The following CPEB2 variants were observed in gnomAD, a reference collection of about 807,000 sequenced individuals.
CPEB2 encodes cytoplasmic polyadenylation element-binding protein 2.
Under a neutral mutation model 93.6 loss-of-function variants are expected in CPEB2, and 56 were observed. The ratio of observed to expected loss-of-function variants is 0.60; its 90% CI spans 0.48 to 0.75. The LOEUF is 0.75. Among genes scored for constraint, CPEB2 ranks in the 30% least tolerant of loss-of-function variants. CPEB2 has a pLI of 0.00. For synonymous variants in CPEB2, 764 were observed against 586.3 expected (o/e 1.30, Z -4.38); for missense variants, 1,579 against 1,395.1 (o/e 1.13, Z -2.10).
intron 6 of CPEB2, among the ~76,000 whole-genome samples, chr4:15,043,735 G>A (rs1486997711): frequency 6.6e-6 from 1 of 151,990 alleles, no homozygotes; most frequent in East Asian, 1.9e-4. Flanking sequence ...TAAAAACGTA[G>A]TTTAGTTAAT....
chr4:15,016,583 T>G (rs1350267938), intron 3 of CPEB2, among the ~76,000 whole-genome samples: 7 of 151,942 alleles, frequency 4.6e-5, no homozygotes, highest in Non-Finnish European at 8.8e-5. Flanking sequence ...GAGACAAATA[T>G]GGAAGCACTT....
rs751209038 is a variant in CPEB2, at chr4:15,008,440, G to A, written c.2034+13G>A. 1.5e-5 allele frequency: 24 copies of A among 1,583,406 alleles called. No individual in the cohort carries two copies. The highest frequency in any genetic ancestry group is 1.6e-5 in the Non-Finnish European group (18 of 1,153,996). On this transcript the variant is annotated intron_variant, in intron 3 of 11. Transcript: ENST00000538197. ...CAGAATAGACCAGGTAGGCTGCACA[G>A]TGTATACTTTTTAGGATTTCGGTTA...
chr4:15,019,967 A>G (rs766818691), intron 4 of CPEB2, among the ~76,000 whole-genome samples: 3 of 152,092 alleles, frequency 2.0e-5, no homozygotes, highest in Non-Finnish European at 4.4e-5. Flanking sequence ...CAGTCAACAT[A>G]CTGGCTGAGG....
intron 4 of CPEB2, among the ~76,000 whole-genome samples, chr4:15,030,183 A>T (rs951764425): frequency 6.6e-6 from 1 of 152,002 alleles, no homozygotes; most frequent in African/African-American, 2.4e-5. Context: ...TTCTATATTA[A>T]ATCTTAAATT....
intron 4 of CPEB2, among the ~76,000 whole-genome samples, chr4:15,019,532 C>T (rs1205437099): frequency 1.3e-5 from 2 of 151,928 alleles, no homozygotes; most frequent in African/African-American, 4.8e-5. Flanking sequence ...TTCTTGAGGG[C>T]AGTATTTCGC....
At chr4:15,009,268 T>C (rs1348652241) in intron 3 of CPEB2, among the ~76,000 whole-genome samples, 1 of 152,184 alleles carries the variant, frequency 6.6e-6, no homozygotes, top group African/African-American at 2.4e-5. Context: ...CATGAGATGA[T>C]TTTACAAGTA....
At chr4:15,058,607 G>GTTCTTTTA in intron 9 of CPEB2, 68 bp downstream of exon 9, 1 of 845,694 alleles carries the variant, frequency 1.2e-6, no homozygotes, top group East Asian at 2.5e-5. Context: ...TGAAATGATT[G>GTTCTTTTA]TTAATTAATA....
chr4:15,028,777 C>G (rs947242822), intron 4 of CPEB2, among the ~76,000 whole-genome samples: 2 of 151,832 alleles, frequency 1.3e-5, no homozygotes, highest in Admixed American at 6.6e-5. Context: ...AAAGGGATTA[C>G]CTGGCATGTT....
chr4:15,002,701 C>T lies in CPEB2; in HGVS notation c.28C>T (p.Gln10Ter), dbSNP rs1240222679. The T allele has an allele frequency of 1.3e-6, 2 of 1,521,216 alleles. No homozygotes were observed. The highest frequency in any genetic ancestry group is 1.4e-5 in the African/African-American group (1 of 71,894). The allele number at this position is 1,521,216 out of a possible 1,614,324, so 94.2% of individuals were successfully genotyped here. A position where few individuals can be genotyped will look rare whatever the true frequency, so the allele number is the denominator to read the frequency against. MRDFGFGVL[Q>*]TAPLRSSSPG... ...GAGGGATTTCGGGTTTGGGGTGCTG[C>T]AGACCGCCCCGCTCCGAAGTAGCAG... is the stretch of plus-strand genomic sequence containing the variant. The change falls in exon 1 of 12, where the codon CAG becomes TAG. Residue 10 changes from glutamine (Q) to a stop codon, truncating the protein, a stop_gained. Transcript: ENST00000538197. LOFTEE classifies it high-confidence loss of function.
chr4:15,051,733 ATATC>A (rs1728242008), intron 6 of CPEB2, among the ~76,000 whole-genome samples: 2 of 152,222 alleles, frequency 1.3e-5, no homozygotes. Context: ...GCCAGGGAGT[ATATC>A]AGGGCATTTA....
intron 10 of CPEB2, among the ~76,000 whole-genome samples, chr4:15,059,886 C>A (rs969017415): frequency 1.3e-5 from 2 of 152,060 alleles, no homozygotes; most frequent in Non-Finnish European, 2.9e-5. Context: ...AACATCGTCT[C>A]CCCAGTCATA....
chr4:15,055,115 A>T (rs925143092), intron 8 of CPEB2, among the ~76,000 whole-genome samples: 5 of 152,220 alleles, frequency 3.3e-5, no homozygotes, highest in Non-Finnish European at 7.3e-5. Context: ...GTGATGAATT[A>T]TATGAGTCAT....
At chr4:15,041,311 A>C (rs1727161819) in intron 6 of CPEB2, among the ~76,000 whole-genome samples, 1 of 152,156 alleles carries the variant, frequency 6.6e-6, no homozygotes, top group Admixed American at 6.6e-5. Context: ...GGCTTATTCC[A>C]AGTGCCACAC....
At chr4:15,020,737 T>C (rs188290831) in intron 4 of CPEB2, among the ~76,000 whole-genome samples, 3 of 152,310 alleles carry the variant, frequency 2.0e-5, no homozygotes, top group East Asian at 3.9e-4. Flanking sequence ...ACAAGTTTCC[T>C]AGACACTGCA....
chr4:15,005,791 A>G (rs1207954060), intron 1 of CPEB2, among the ~76,000 whole-genome samples: 3 of 152,236 alleles, frequency 2.0e-5, no homozygotes, highest in African/African-American at 7.2e-5. Context: ...AATGTGGCCT[A>G]TGAGGATTGA....
intron 8 of CPEB2, among the ~76,000 whole-genome samples, chr4:15,058,025 T>C (rs1225845095): frequency 6.6e-6 from 1 of 152,206 alleles, no homozygotes; most frequent in Non-Finnish European, 1.5e-5. Flanking sequence ...GTAGTATCAC[T>C]ACTAGAAAGC....
intron 3 of CPEB2, among the ~76,000 whole-genome samples, chr4:15,015,759 C>A (rs963068059): frequency 6.6e-6 from 1 of 151,952 alleles, no homozygotes; most frequent in Non-Finnish European, 1.5e-5. Flanking sequence ...CCAAGACAAT[C>A]AGTGGATGGC....
At chr4:15,042,903 A>G (rs74612868) in intron 6 of CPEB2, among the ~76,000 whole-genome samples, 1,728 of 152,308 alleles carry the variant, frequency 0.011, 21 homozygotes, top group Non-Finnish European at 0.017. Flanking sequence ...GATTTGATCC[A>G]TCAAAGAAAC....
In CPEB2 at chr4:15,004,242, C is replaced by A; in HGVS notation, c.1569C>A (p.Ser523Arg). ...PPPAAPQQPQ[S>R]RRSPVSPQLQ... ...CCGCGGCGCCGCAGCAGCCGCAGAG[C>A]CGGAGGTCGCCCGTCAGCCCGCAGC... is the stretch of plus-strand genomic sequence containing the variant. The change falls in exon 1 of 12, where the codon AGC (serine) becomes AGA (arginine). Residue 523 changes from serine to arginine, a missense_variant. Coordinates refer to ENST00000538197, the MANE Select transcript of CPEB2 (RefSeq NM_001177382.2). The A allele has an allele frequency of 6.7e-7, 1 of 1,494,260 alleles. No homozygotes were observed. The highest frequency in any genetic ancestry group is 2.2e-5 in the Admixed American group (1 of 45,394). The allele number at this position is 1,494,260 out of a possible 1,614,324, so 92.6% of individuals were successfully genotyped here. A position where few individuals can be genotyped will look rare whatever the true frequency, so the allele number is the denominator to read the frequency against.
Sources: gnomAD v4.1 joint callset for allele counts (sites outside exome capture counted in the v4.1 genomes callset) on GRCh38, gnomAD v4.1.1 for gene constraint, MANE v1.5 for transcripts, NCBI Gene and HGNC (gene_info 2026-07-23, HGNC 2026-07-21) for gene names.